The following BIRC6 variants were observed in gnomAD, a reference collection of about 807,000 sequenced individuals.
BIRC6 encodes dual E2 ubiquitin-conjugating enzyme/E3 ubiquitin-protein ligase BIRC6.
In BIRC6, 98 loss-of-function variants were observed where a neutral mutation model predicts 503.3. That is an observed-to-expected ratio of 0.19 (90% confidence interval 0.17 to 0.23). The LOEUF is 0.23. BIRC6 is among the 10% of genes least tolerant of loss of function. The probability of loss-of-function intolerance (pLI) is 1.00; values close to 1 mark genes in which losing one functional copy is unlikely to be tolerated. For missense variants in BIRC6, 5,360 were observed against 5,806.0 expected (o/e 0.92, Z 2.50); for synonymous variants, 2,240 against 2,078.7 (o/e 1.08, Z -2.11).
At chr2:32,389,042 T>G in intron 4 of BIRC6, 99 bp downstream of exon 4, 1 of 830,648 alleles carries the variant, frequency 1.2e-6, no homozygotes, top group Non-Finnish European at 1.7e-6. Flanking sequence ...TTTTTAAAAA[T>G]TTCACAATTT....
intron 53 of BIRC6, among the ~76,000 whole-genome samples, chr2:32,511,079 C>T (rs943695240): frequency 3.3e-5 from 5 of 151,644 alleles, no homozygotes; most frequent in African/African-American, 7.3e-5. Context: ...TCGTATTCAT[C>T]GAAATCTTTT....
At chr2:32,395,714 T>C (rs1156918808) in intron 6 of BIRC6, 121 bp downstream of exon 6, 5 of 758,930 alleles carry the variant, frequency 6.6e-6, no homozygotes, top group Non-Finnish European at 1.1e-5. Flanking sequence ...TTTTTGTCAT[T>C]GTCCTGAGAA....
Position 32,525,471 on chromosome 2 carries a change from G to C in BIRC6, c.11763G>C (p.Lys3921Asn). 6.2e-7 allele frequency: 1 copy of C among 1,613,964 alleles called. No individual in the cohort carries two copies. Among genetic ancestry groups the C allele is most frequent in the Non-Finnish European group, 8.5e-7 (1 of 1,179,866 alleles). Residue 3921 changes from lysine to asparagine, a missense_variant, in exon 59 of 74, where the codon AAG becomes AAC. Physicochemically the swap from Lys to Asn is moderately conservative, Grantham distance 94 (BLOSUM62 0). Coordinates refer to ENST00000421745, the MANE Select transcript of BIRC6 (RefSeq NM_016252.4). ...NYSVVVASGL[K>N]SQSKRAVSAT... ...CTGATCCTTTTCTTTTAGGGCTGAA[G>C]TCTCAATCTAAACGTGCTGTGTCAG...
At chr2:32,381,391 C>T (rs1174177131) in intron 3 of BIRC6, among the ~76,000 whole-genome samples, 3 of 152,184 alleles carry the variant, frequency 2.0e-5, no homozygotes, top group Non-Finnish European at 4.4e-5. Context: ...AGGCGTGCGC[C>T]ACCACGCCTG....
chr2:32,538,633 A>G (rs376124560), intron 61 of BIRC6, among the ~76,000 whole-genome samples: 1 of 152,252 alleles, frequency 6.6e-6, no homozygotes, highest in Non-Finnish European at 1.5e-5. Context: ...GATCTCATCA[A>G]CAATGTACAG....
intron 49 of BIRC6, among the ~76,000 whole-genome samples, chr2:32,503,511 C>T (rs2053437691): frequency 6.6e-6 from 1 of 152,146 alleles, no homozygotes; most frequent in Admixed American, 6.5e-5. Context: ...GCAACCTCTG[C>T]CTCCTGGGTT....
At chr2:32,553,992 A>G (rs532982280) in intron 65 of BIRC6, among the ~76,000 whole-genome samples, 17 of 152,260 alleles carry the variant, frequency 1.1e-4, no homozygotes, top group Admixed American at 8.5e-4. Context: ...GTAGGCCACA[A>G]TCATTTTTTC....
At position 32,436,118 on chromosome 2, in the gene BIRC6, G is replaced by A. The variant is rs779935899; in HGVS notation, c.3565G>A (p.Ala1189Thr). ...EDILCGPVWL[A>T]SGLDLSGHAG... ...CATTCTATGTGGGCCAGTATGGCTT[G>A]CTAGTGGCCTTGATCTATCAGGGCA... The change falls in exon 15 of 74, where the codon GCT (alanine) becomes ACT (threonine). Residue 1189 changes from alanine (A) to threonine (T), a missense_variant. By Grantham distance (58) the Ala-to-Thr change is moderately conservative (BLOSUM62 0). Around this residue, in one of 16 missense-constraint regions of BIRC6, gnomAD observed 2,299 missense variants for 2,267.2 expected, o/e 1.01. Coordinates refer to ENST00000421745, the MANE Select transcript of BIRC6 (RefSeq NM_016252.4). 1.3e-6 allele frequency: 2 copies of A among 1,499,786 alleles called. No individual in the cohort carries two copies. The highest frequency in any genetic ancestry group is 1.8e-6 in the Non-Finnish European group (2 of 1,111,048). 92.9% of individuals were successfully genotyped at this position (1,499,786 alleles called of 1,614,324 possible).
At chr2:32,404,862 G>A (rs2041022548) in intron 8 of BIRC6, among the ~76,000 whole-genome samples, 1 of 151,178 alleles carries the variant, frequency 6.6e-6, no homozygotes, top group African/African-American at 2.4e-5. Flanking sequence ...GGGTCTCACT[G>A]TGTTGCCCAG....
At chr2:32,418,032 G>T (rs2150062935) in intron 10 of BIRC6, among the ~76,000 whole-genome samples, 1 of 152,230 alleles carries the variant, frequency 6.6e-6, no homozygotes, top group Middle Eastern at 3.4e-3. Context: ...CGTCTGCCTT[G>T]GCCTCCCAAA....
At chr2:32,578,513 C>T (rs1234899876) in intron 66 of BIRC6, among the ~76,000 whole-genome samples, 10 of 151,974 alleles carry the variant, frequency 6.6e-5, no homozygotes, top group African/African-American at 1.7e-4. Flanking sequence ...CTGTGTATCA[C>T]GGCCGGGTGC....
chr2:32,602,868 A>G (rs751725259), intron 70 of BIRC6, 138 bp from the exon 71 acceptor site: 54 of 588,340 alleles, frequency 9.2e-5, no homozygotes, highest in Non-Finnish European at 8.1e-5. Flanking sequence ...TTAACAGACA[A>G]CCCTTAGGGT....
At chr2:32,504,608 A>G (rs2053594122) in intron 49 of BIRC6, among the ~76,000 whole-genome samples, 1 of 152,162 alleles carries the variant, frequency 6.6e-6, no homozygotes, top group Admixed American at 6.5e-5. Flanking sequence ...CGGAGCTTGC[A>G]GTGAGCTGAG....
At chr2:32,399,260 A>G (rs1280146090) in intron 6 of BIRC6, among the ~76,000 whole-genome samples, 2 of 151,970 alleles carry the variant, frequency 1.3e-5, no homozygotes, top group East Asian at 1.9e-4. Context: ...TAATATATGT[A>G]TTTTTAGTAG....
chr2:32,579,010 C>CA lies in BIRC6; in HGVS notation c.13355+3644_13355+3645insA, dbSNP rs1491074412. ...TATATACACTTAATATATATATATA[C>CA]CTAATATATATATACCTAATATATA... On this transcript the variant is annotated intron_variant, in intron 66 of 73. Transcript: ENST00000421745. Among the ~76,000 whole-genome samples the CA allele has an allele frequency of 6.0e-3, 217 of 36,462 alleles. 5 individuals are homozygous for CA. Among genetic ancestry groups the CA allele is most frequent in the African/African-American group, 0.029 (188 of 6,474 alleles). The allele number at this position is 36,462 out of a possible 152,430, so 23.9% of individuals were successfully genotyped here. A position where few individuals can be genotyped will look rare whatever the true frequency, so the allele number is the denominator to read the frequency against.
At chr2:32,436,597 T>G (rs1205920339) in intron 15 of BIRC6, among the ~76,000 whole-genome samples, 3 of 152,188 alleles carry the variant, frequency 2.0e-5, no homozygotes, top group Admixed American at 1.3e-4. Flanking sequence ...TTTTTGTTTT[T>G]TTGAGACAGT....
rs1212642973 is a variant in BIRC6 at position 32,594,174 on chromosome 2, A to G, written c.13501+114A>G. 6.4e-5 allele frequency: 77 copies of G among 1,204,286 alleles called. 1 individual carries two copies. In the Admixed American group the frequency reaches 7.1e-4, roughly 11 times the overall value. 74.6% of individuals were successfully genotyped at this position (1,204,286 alleles called of 1,614,324 possible). On this transcript the variant is annotated intron_variant, in intron 67 of 73. Transcript: ENST00000421745. Reference sequence around the variant, plus strand: ...ATGTTAATGATTTTAAAGCAAGTTCATTTACCTAAAAATTTTGTTCTCTGT... The same window carrying G: ...ATGTTAATGATTTTAAAGCAAGTTCGTTTACCTAAAAATTTTGTTCTCTGT...
rs779457119 is a variant in BIRC6, at chr2:32,445,565, G to C, written c.4381G>C (p.Glu1461Gln). The change falls in exon 21 of 74, where the codon GAA becomes CAA. Residue 1461 changes from glutamate (E) to glutamine (Q), a missense_variant. By Grantham distance (29) the Glu-to-Gln change is conservative. Coordinates refer to ENST00000421745, the MANE Select transcript of BIRC6 (RefSeq NM_016252.4). ...TGTCTTACTGAATTATGTGAAAGATGAAGATCTGGCTGGATGCAGTACAGC... is the reference window on the plus strand; with the variant it reads ...TGTCTTACTGAATTATGTGAAAGATCAAGATCTGGCTGGATGCAGTACAGC... ...YFVLLNYVKD[E>Q]DLAGCSTACA... 13 of 1,602,974 alleles carry C rather than the reference G, an allele frequency of 8.1e-6. No individual in the cohort carries two copies. Among genetic ancestry groups the C allele is most frequent in the Non-Finnish European group, 9.4e-6 (11 of 1,174,592 alleles).
intron 43 of BIRC6, among the ~76,000 whole-genome samples, 172 bp from the exon 44 acceptor site, chr2:32,491,253 A>C (rs749180701): frequency 1.3e-5 from 2 of 152,128 alleles, no homozygotes; most frequent in Non-Finnish European, 2.9e-5. Context: ...TAGATGGTAG[A>C]TAGAGAGGGA....
Sources: allele counts gnomAD v4.1 joint callset (sites outside exome capture counted in the v4.1 genomes callset), GRCh38; gene constraint gnomAD v4.1.1; regional missense constraint gnomAD v4.1.1; transcripts MANE v1.5; gene names NCBI Gene and HGNC (gene_info 2026-07-23, HGNC 2026-07-21).